The following L3MBTL3 variants were observed in gnomAD, a reference collection of about 807,000 sequenced individuals.
L3MBTL3 encodes the protein L3MBTL histone methyl-lysine binding protein 3.
Under a neutral mutation model 102.3 loss-of-function variants are expected in L3MBTL3, and 27 were observed. The observed-to-expected ratio is 0.26, with a 90% CI of 0.19 to 0.36. L3MBTL3 has a LOEUF of 0.36. L3MBTL3 is among the 10% of genes least tolerant of loss of function. The pLI, the probability that L3MBTL3 is intolerant of heterozygous loss-of-function variation, is 1.00. For synonymous variants in L3MBTL3, 340 were observed against 320.9 expected (o/e 1.06, Z -0.64); for missense variants, 798 against 955.3 (o/e 0.84, Z 2.17).
chr6:130,025,980 A>C (rs1303487892), intron 2 of L3MBTL3, among the ~76,000 whole-genome samples: 1 of 152,130 alleles, frequency 6.6e-6, no homozygotes, highest in Non-Finnish European at 1.5e-5. Flanking sequence ...GCAATTAACA[A>C]AACAAAGCCA....
In L3MBTL3 at chr6:130,136,406, C is replaced by A. The variant is rs1335528416; in HGVS notation, c.2199+2501C>A. On this transcript the variant is annotated intron_variant, in intron 22 of 22. Coordinates refer to ENST00000361794, the MANE Select transcript of L3MBTL3 (RefSeq NM_032438.4). ...CTACGTGCTGGCCTCCTTGCTCTTC[C>A]TCTGATTGTCCAGGCTTGCTCCCGC... Among the ~76,000 whole-genome samples the A allele has an allele frequency of 4.6e-5, 7 of 152,128 alleles. No individual in the cohort carries two copies. The East Asian group carries it at 1.3e-3, about 29-fold the overall frequency.
At chr6:130,080,712 G>A (rs1248195778) in intron 14 of L3MBTL3, among the ~76,000 whole-genome samples, 2 of 152,128 alleles carry the variant, frequency 1.3e-5, no homozygotes, top group African/African-American at 4.8e-5. Context: ...AAAATTGCAT[G>A]TGAAAATACC....
chr6:130,130,039 C>T (rs937545729), intron 20 of L3MBTL3, among the ~76,000 whole-genome samples: 12 of 152,116 alleles, frequency 7.9e-5, no homozygotes, highest in African/African-American at 2.4e-4. Context: ...GAGGAAGACT[C>T]AGCAAAAGGA....
Position 130,120,691 on chromosome 6 carries a change from TAATGAGGAA to T in L3MBTL3, c.1887-183_1887-175del, listed in dbSNP as rs556860771. Among the ~76,000 whole-genome samples, 8 of 152,332 alleles carry T rather than the reference TAATGAGGAA, an allele frequency of 5.3e-5. No homozygotes were observed. The East Asian group carries it at 1.3e-3, about 26-fold the overall frequency. On this transcript the variant is annotated intron_variant, in intron 19 of 22. Coordinates refer to ENST00000361794, the MANE Select transcript of L3MBTL3 (RefSeq NM_032438.4). ...TTCCTGAATAGGAAATGAAAATTGA[TAATGAGGAA>T]AATGGGCATTTATAGGTGTTATTAA... is the stretch of plus-strand genomic sequence containing the variant.
chr6:130,058,828 A>C (rs7761063), intron 9 of L3MBTL3, among the ~76,000 whole-genome samples: 83,568 of 151,708 alleles, frequency 0.55, 25,733 homozygotes, highest in East Asian at 0.76. Flanking sequence ...AGTTTGCTGA[A>C]CCTTGGTTTA....
rs567958993 is a variant in L3MBTL3, at chr6:130,074,925, A to T, written c.1245-3633A>T. Among the ~76,000 whole-genome samples, 4 of 152,292 alleles carry T rather than the reference A, an allele frequency of 2.6e-5. No homozygotes were observed. In the South Asian group the frequency reaches 8.3e-4, roughly 32 times the overall value. On this transcript the variant is annotated intron_variant, in intron 13 of 22. Coordinates refer to ENST00000361794, the MANE Select transcript of L3MBTL3 (RefSeq NM_032438.4). ...CTGATTGCCTGTAAGTGTAGTGTAA[A>T]CTTTTTTTTTAGAGATGAATCTCTT...
intron 17 of L3MBTL3, among the ~76,000 whole-genome samples, chr6:130,093,479 A>G (rs1481660336): frequency 6.6e-6 from 1 of 152,224 alleles, no homozygotes; most frequent in Non-Finnish European, 1.5e-5. Context: ...TCACTTCTGG[A>G]TGCTACATAC....
chr6:130,088,924 C>T (rs6569654), intron 16 of L3MBTL3, among the ~76,000 whole-genome samples: 68,359 of 151,862 alleles, frequency 0.45, 16,862 homozygotes, highest in African/African-American at 0.66. Flanking sequence ...AAGTAGTCTT[C>T]TCCTTGTGAC....
At chr6:130,124,221 G>GCTC in intron 20 of L3MBTL3, among the ~76,000 whole-genome samples, 1 of 152,272 alleles carries the variant, frequency 6.6e-6, no homozygotes, top group East Asian at 1.9e-4. Flanking sequence ...GGGCAAGGAA[G>GCTC]CTCCCTTTGG....
chr6:130,099,208 G>T (rs1238671020), intron 18 of L3MBTL3, among the ~76,000 whole-genome samples: 1 of 152,106 alleles, frequency 6.6e-6, no homozygotes, highest in Admixed American at 6.5e-5. Context: ...CCTCAATAAA[G>T]TACTTAGAGT....
chr6:130,030,665 TA>T (rs548921467), intron 2 of L3MBTL3, among the ~76,000 whole-genome samples: 1,483 of 48,486 alleles, frequency 0.031, 11 homozygotes, highest in African/African-American at 0.11. Flanking sequence ...AGACTCTACC[TA>T]AAAAAAAAAA....
chr6:130,086,328 C>A, intron 16 of L3MBTL3, 78 bp downstream of exon 16: 2 of 900,046 alleles, frequency 2.2e-6, no homozygotes, highest in Admixed American at 2.3e-5. Context: ...AGATACTTAA[C>A]TTGTGAAGTC....
At chr6:130,116,142 C>T (rs996834265) in intron 19 of L3MBTL3, among the ~76,000 whole-genome samples, 1 of 152,128 alleles carries the variant, frequency 6.6e-6, no homozygotes, top group African/African-American at 2.4e-5. Context: ...TTAAAGACAA[C>T]AGGTGTCAGT....
At chr6:130,089,974 G>A (rs989128569) in intron 16 of L3MBTL3, among the ~76,000 whole-genome samples, 3 of 151,982 alleles carry the variant, frequency 2.0e-5, no homozygotes, top group Admixed American at 2.0e-4. Context: ...CACTGTGGGT[G>A]GAAATACTCT....
intron 13 of L3MBTL3, among the ~76,000 whole-genome samples, chr6:130,078,228 G>A (rs970136264): frequency 6.6e-6 from 1 of 152,036 alleles, no homozygotes; most frequent in African/African-American, 2.4e-5. Context: ...TAAGTTTATT[G>A]TTCCACATGA....
At position 130,052,952 on chromosome 6, in the gene L3MBTL3, T is replaced by C. The variant is rs901596809; in HGVS notation, c.543T>C (p.Ala181=). 1.2e-6 allele frequency: 2 copies of C among 1,613,890 alleles called. No individual in the cohort carries two copies. The highest frequency in any genetic ancestry group is 1.7e-5 in the Admixed American group (1 of 60,020). The change falls in exon 7 of 23, where the codon GCT becomes GCC. Residue 181 remains alanine, a synonymous_variant. Transcript: ENST00000361794. The part of the protein sequence containing the change: ...RKKKPKLSLK[A]DTKEDGEERD... ...AAAAACCAAAATTATCTCTGAAAGC[T>C]GACACCAAGGAGGATGGAGAAGAGA...
Position 130,071,149 on chromosome 6 carries a change from G to A in L3MBTL3, c.1244+22G>A, listed in dbSNP as rs753084276. On this transcript the variant is annotated intron_variant, in intron 13 of 22. Coordinates refer to ENST00000361794, the MANE Select transcript of L3MBTL3 (RefSeq NM_032438.4). ...ATTGGTGAGACATTTTCTGTTGTGT[G>A]CTTTTAAAAATTTAATATTTATCCA... 19 of 1,595,242 alleles carry A rather than the reference G, an allele frequency of 1.2e-5. No homozygotes were observed. The African/African-American group carries it at 1.8e-4, about 15-fold the overall frequency.
intron 2 of L3MBTL3, among the ~76,000 whole-genome samples, chr6:130,041,056 A>AT (rs770159138): frequency 6.6e-6 from 1 of 152,202 alleles, no homozygotes; most frequent in Non-Finnish European, 1.5e-5. Context: ...ATGTGTGAGT[A>AT]TTTTTATGAA....
intron 2 of L3MBTL3, among the ~76,000 whole-genome samples, chr6:130,042,399 A>C (rs911509255): frequency 7.9e-5 from 12 of 152,342 alleles, no homozygotes; most frequent in African/African-American, 2.9e-4. Context: ...TTTTAAGTGA[A>C]TATGCCTTGA....
Sources: allele counts gnomAD v4.1 joint callset (sites outside exome capture counted in the v4.1 genomes callset), GRCh38; gene constraint gnomAD v4.1.1; transcripts MANE v1.5; gene names NCBI Gene and HGNC (gene_info 2026-07-23, HGNC 2026-07-21).